The following WDR41 variants were observed in gnomAD, a reference collection of about 807,000 sequenced individuals.
WDR41 encodes WD repeat domain 41.
A neutral mutation model predicts 69.3 loss-of-function variants in WDR41; 63 were observed. That is an observed-to-expected ratio of 0.91 (90% CI 0.74 to 1.12). The LOEUF is 1.12. WDR41 is among the 50% of genes most tolerant of loss of function. The pLI is 0.00. For missense variants in WDR41, 543 were observed against 534.5 expected (o/e 1.02, Z -0.16); for synonymous variants, 185 against 192.1 (o/e 0.96, Z 0.31).
intron 5 of WDR41, 72 bp downstream of exon 5, chr5:77,458,990 T>C: frequency 1.8e-6 from 2 of 1,120,286 alleles, no homozygotes; most frequent in Non-Finnish European, 2.6e-6. Context: ...TAATTTCGTC[T>C]AACTCTTTAA....
intron 4 of WDR41, among the ~76,000 whole-genome samples, chr5:77,461,924 T>C (rs1800085782): frequency 6.6e-6 from 1 of 152,102 alleles, no homozygotes; most frequent in African/African-American, 2.4e-5. Flanking sequence ...GACTCTGGAC[T>C]TCACCAAGCC....
intron 1 of WDR41, among the ~76,000 whole-genome samples, chr5:77,552,268 A>G: frequency 6.6e-6 from 1 of 152,056 alleles, no homozygotes; most frequent in East Asian, 1.9e-4. Flanking sequence ...GGAAGCTGAC[A>G]TTAAAAACAC....
intron 1 of WDR41, among the ~76,000 whole-genome samples, chr5:77,586,294 T>G (rs917214409): frequency 1.7e-4 from 25 of 148,118 alleles, no homozygotes; most frequent in African/African-American, 5.0e-4. Flanking sequence ...ATTTATTTAT[T>G]TATTTATGTA....
upstream of WDR41, among the ~76,000 whole-genome samples, chr5:77,496,047 G>T (rs1312184285): frequency 6.6e-6 from 1 of 151,948 alleles, no homozygotes; most frequent in Non-Finnish European, 1.5e-5. Context: ...ATGCAGAAAG[G>T]CATTTTACAA....
rs775766370 is a variant in WDR41 at position 77,459,086 on chromosome 5, T to C, written c.387A>G (p.Ile129Met). The change falls in exon 5 of 13, where the codon ATA becomes ATG. Residue 129 changes from isoleucine (I) to methionine (M), a missense_variant. By Grantham distance (10) the Ile-to-Met change is conservative (BLOSUM62 1). Transcript: ENST00000296679. ...CCTTTACAGTAGACTGGAAGCATGA[T>C]ATTCTCTGAACTTGTCTGGTAGTAT... ...DGDTTRQVQR[I>M]SCFQSTVKCL... The C allele has an allele frequency of 6.2e-7, 1 of 1,602,460 alleles. No individual in the cohort carries two copies. The highest frequency in any genetic ancestry group is 8.5e-7 in the Non-Finnish European group (1 of 1,172,498).
intron 1 of WDR41, among the ~76,000 whole-genome samples, chr5:77,520,834 CTT>C (rs763785864): frequency 1.3e-5 from 2 of 152,144 alleles, no homozygotes; most frequent in Non-Finnish European, 2.9e-5. Flanking sequence ...TAGAAATAGA[CTT>C]TATTTTATAC....
intron 1 of WDR41, among the ~76,000 whole-genome samples, chr5:77,604,132 C>T (rs747517891): frequency 1.5e-4 from 23 of 151,912 alleles, no homozygotes; most frequent in African/African-American, 5.1e-4. Context: ...TATTTTGATA[C>T]GGATTGCATT....
intron 2 of WDR41, among the ~76,000 whole-genome samples, chr5:77,471,654 T>C (rs335652): frequency 0.61 from 92,892 of 151,900 alleles, 30,202 homozygotes; most frequent in African/African-American, 0.84. Flanking sequence ...AACACCTCTA[T>C]GCAAATAAAC....
Position 77,492,275 on chromosome 5 carries a change from C to G in WDR41, c.-55G>C, listed in dbSNP as rs970547929. ...AGCCCCAGTCAGCCCAAACTCCGCC[C>G]CAGGCTCGGCCTCCTCCTTCCTCCC... is the stretch of plus-strand genomic sequence containing the variant. On this transcript the variant is annotated 5_prime_UTR_variant, in exon 1 of 13. Transcript: ENST00000296679. The G allele has an allele frequency of 1.2e-5, 20 of 1,604,374 alleles. No homozygotes were observed. The Admixed American group carries it at 1.4e-4, about 11-fold the overall frequency.
intron 1 of WDR41, among the ~76,000 whole-genome samples, chr5:77,524,316 G>A (rs1290825661): frequency 4.6e-5 from 7 of 152,238 alleles, no homozygotes; most frequent in East Asian, 3.9e-4. Context: ...GGCCAAGTGC[G>A]GTGGCACACA....
At chr5:77,455,551 T>C (rs1211320864) in intron 5 of WDR41, among the ~76,000 whole-genome samples, 5 of 152,230 alleles carry the variant, frequency 3.3e-5, no homozygotes, top group Admixed American at 1.3e-4. Context: ...GATGTACGCC[T>C]ATATTTCTTC....
intron 1 of WDR41, among the ~76,000 whole-genome samples, chr5:77,609,129 C>T (rs1744488672): frequency 6.6e-6 from 1 of 152,188 alleles, no homozygotes; most frequent in Non-Finnish European, 1.5e-5. Context: ...CCCAGGCTTG[C>T]TTAGGTAAAC....
Position 77,551,980 on chromosome 5 carries a change from A to AAAAATAAAATAAAAT in WDR41, c.43-62423_43-62409dup, listed in dbSNP as rs57749416. Among the ~76,000 whole-genome samples, 95 of 93,496 alleles carry AAAAATAAAATAAAAT rather than the reference A, an allele frequency of 1.0e-3. 7 individuals carry two copies. The highest frequency in any genetic ancestry group is 2.6e-3 in the South Asian group (7 of 2,642). The allele number at this position is 93,496 out of a possible 152,430, so 61.3% of individuals were successfully genotyped here. A position where few individuals can be genotyped will look rare whatever the true frequency, so the allele number is the denominator to read the frequency against. ...GGCAACAGAGCAAGACTCTGTCTCA[A>AAAAATAAAATAAAAT]AAAATAAAATAAAATAAAATAAAAT... On this transcript the variant is annotated intron_variant, in intron 1 of 5. Transcript: ENST00000509971.
chr5:77,457,221 T>C (rs1222718798), intron 5 of WDR41, among the ~76,000 whole-genome samples: 9 of 152,154 alleles, frequency 5.9e-5, no homozygotes, highest in Admixed American at 5.9e-4. Context: ...TTTTCAGATG[T>C]TAAACTAAGC....
chr5:77,456,199 G>T (rs897358242), intron 5 of WDR41, among the ~76,000 whole-genome samples: 1 of 151,982 alleles, frequency 6.6e-6, no homozygotes, highest in Non-Finnish European at 1.5e-5. Context: ...AATAGTGATG[G>T]GGTATTGCTA....
chr5:77,528,509 G>A (rs1423190149), intron 1 of WDR41, among the ~76,000 whole-genome samples: 1 of 151,606 alleles, frequency 6.6e-6, no homozygotes, highest in East Asian at 1.9e-4. Flanking sequence ...GGAAAATGAA[G>A]ACTATCATTC....
chr5:77,528,901 G>C (rs1479589879), intron 1 of WDR41, among the ~76,000 whole-genome samples: 1 of 151,612 alleles, frequency 6.6e-6, no homozygotes, highest in East Asian at 1.9e-4. Flanking sequence ...ATCTGATAAA[G>C]ATTATTTATT....
chr5:77,459,088 T>G lies in WDR41; in HGVS notation c.385A>C (p.Ile129Leu), dbSNP rs1581717022. 1 of 1,602,086 alleles carries G rather than the reference T, an allele frequency of 6.2e-7. No individual in the cohort carries two copies. The highest frequency in any genetic ancestry group is 8.5e-7 in the Non-Finnish European group (1 of 1,172,330). The change falls in exon 5 of 13, where the codon ATA (isoleucine) becomes CTA (leucine). Residue 129 changes from isoleucine to leucine, a missense_variant. Physicochemically the swap from Ile to Leu is conservative, Grantham distance 5. Transcript: ENST00000296679. ...TTTACAGTAGACTGGAAGCATGATA[T>G]TCTCTGAACTTGTCTGGTAGTATCA... ...DGDTTRQVQR[I>L]SCFQSTVKCL...
intron 8 of WDR41, among the ~76,000 whole-genome samples, chr5:77,447,828 G>A (rs1224656080): frequency 2.0e-5 from 3 of 152,110 alleles, no homozygotes; most frequent in South Asian, 2.1e-4. Flanking sequence ...CATGGCACAC[G>A]TATACCTATG....
Sources: gnomAD v4.1 joint callset for allele counts (sites outside exome capture counted in the v4.1 genomes callset) on GRCh38, gnomAD v4.1.1 for gene constraint, MANE v1.5 for transcripts, NCBI Gene and HGNC (gene_info 2026-07-23, HGNC 2026-07-21) for gene names.